GPC5: variants seen among roughly 807,000 people sequenced by gnomAD.
GPC5 encodes glypican-5.
A neutral mutation model predicts 53.9 loss-of-function variants in GPC5; 47 were observed. That is an observed-to-expected ratio of 0.87 (90% CI 0.69 to 1.11). The LOEUF is 1.11. Ranked by LOEUF, GPC5 falls within the 50% of genes most tolerant of loss-of-function variation. The pLI is 0.00. For missense variants in GPC5, 748 were observed against 713.1 expected (o/e 1.05, Z -0.56); for synonymous variants, 286 against 263.3 (o/e 1.09, Z -0.84).
At chr13:91,732,374 GTT>G (rs1162888019) in intron 4 of GPC5, among the ~76,000 whole-genome samples, 2 of 142,420 alleles carry the variant, frequency 1.4e-5, no homozygotes, top group African/African-American at 5.1e-5. Context: ...ACTTTTTGAT[GTT>G]TTTTTTTTTT....
At position 92,668,102 on chromosome 13, in the gene GPC5, AT is replaced by A. The variant is rs568679170; in HGVS notation, c.1562-198175del. ...ATATACATATGTGTGAATGTATGTG[AT>A]TTTTAGACCATAAAATACTTTGAAA... On this transcript the variant is annotated intron_variant, in intron 7 of 7. Coordinates refer to ENST00000377067, the MANE Select transcript of GPC5 (RefSeq NM_004466.6). Among the ~76,000 whole-genome samples, 22 of 152,278 alleles carry A rather than the reference AT, an allele frequency of 1.4e-4. No homozygotes were observed. The South Asian group carries it at 4.6e-3, about 32-fold the overall frequency.
chr13:91,888,531 A>T (rs1415228134), intron 5 of GPC5, among the ~76,000 whole-genome samples: 1 of 152,196 alleles, frequency 6.6e-6, no homozygotes, highest in African/African-American at 2.4e-5. Context: ...TTATTGGAAT[A>T]GCTCTGCTAA....
chr13:91,716,323 C>T (rs1276197354), intron 3 of GPC5, among the ~76,000 whole-genome samples: 1 of 152,148 alleles, frequency 6.6e-6, no homozygotes, highest in Admixed American at 6.5e-5. Flanking sequence ...ATCATAAAAA[C>T]AGCCAATACC....
chr13:92,317,332 G>A (rs1293926625), intron 7 of GPC5, among the ~76,000 whole-genome samples: 1 of 152,054 alleles, frequency 6.6e-6, no homozygotes, highest in African/African-American at 2.4e-5. Context: ...GTGGGAAAAG[G>A]GTCCAAGATA....
At chr13:91,858,050 A>G (rs1292493868) in intron 5 of GPC5, among the ~76,000 whole-genome samples, 1 of 151,644 alleles carries the variant, frequency 6.6e-6, no homozygotes, top group African/African-American at 2.4e-5. Context: ...CTGTTTTCAT[A>G]GGTTGGTTGT....
chr13:91,917,006 C>A (rs2039666178), intron 6 of GPC5, among the ~76,000 whole-genome samples: 1 of 152,194 alleles, frequency 6.6e-6, no homozygotes, highest in Non-Finnish European at 1.5e-5. Context: ...TTTCAAAACA[C>A]AATCATGCCT....
At chr13:91,862,516 A>G (rs1380894287) in intron 5 of GPC5, among the ~76,000 whole-genome samples, 3 of 152,222 alleles carry the variant, frequency 2.0e-5, no homozygotes, top group Non-Finnish European at 4.4e-5. Flanking sequence ...CACAACGAAG[A>G]ATTATATGGC....
At chr13:92,124,896 G>A (rs939551542) in intron 6 of GPC5, among the ~76,000 whole-genome samples, 7 of 152,102 alleles carry the variant, frequency 4.6e-5, no homozygotes, top group African/African-American at 9.7e-5. Context: ...TCCACCTCCC[G>A]GTATCTTGTG....
chr13:91,886,383 G>A (rs952803198), intron 5 of GPC5, among the ~76,000 whole-genome samples: 9 of 152,158 alleles, frequency 5.9e-5, no homozygotes, highest in Admixed American at 6.5e-5. Context: ...TTCAAGATGA[G>A]ATTTGGGTAG....
chr13:92,492,528 GAAAT>G (rs975560960), intron 7 of GPC5, among the ~76,000 whole-genome samples: 29 of 151,408 alleles, frequency 1.9e-4, no homozygotes, highest in African/African-American at 4.8e-4. Context: ...ACAGAATCAA[GAAAT>G]AAATAAATAA....
intron 7 of GPC5, among the ~76,000 whole-genome samples, chr13:92,551,406 GA>G (rs11289392): frequency 0.43 from 64,410 of 150,400 alleles, 14,377 homozygotes; most frequent in African/African-American, 0.55. Flanking sequence ...ATTTTCAAAG[GA>G]AAAAAAAAAT....
At chr13:91,440,047 A>G (rs576518213) in intron 1 of GPC5, among the ~76,000 whole-genome samples, 23 of 152,130 alleles carry the variant, frequency 1.5e-4, no homozygotes, top group East Asian at 9.7e-4. Flanking sequence ...TAATTTGACT[A>G]TAGTGTTCTT....
chr13:91,563,731 C>T (rs2031394711), intron 2 of GPC5, among the ~76,000 whole-genome samples: 1 of 152,190 alleles, frequency 6.6e-6, no homozygotes, highest in Admixed American at 6.5e-5. Context: ...GTTGATAATA[C>T]CAGCGAAGTT....
In GPC5 at chr13:91,846,577, A is replaced by G. The variant is rs182875697; in HGVS notation, c.1281-61360A>G. Among the ~76,000 whole-genome samples the G allele has an allele frequency of 4.1e-4, 62 of 152,176 alleles. 1 individual carries two copies. The highest frequency in any genetic ancestry group is 1.4e-3 in the African/African-American group (60 of 41,518). On this transcript the variant is annotated intron_variant, in intron 5 of 7. Coordinates refer to ENST00000377067, the MANE Select transcript of GPC5 (RefSeq NM_004466.6). ...TGCAAGTTCACCGAGAGAAGTAAGT[A>G]CTAGTATGACTAGGCTTGTCTATCA...
intron 7 of GPC5, among the ~76,000 whole-genome samples, chr13:92,170,571 C>A (rs903979141): frequency 4.0e-5 from 6 of 151,304 alleles, no homozygotes; most frequent in Admixed American, 6.6e-5. Flanking sequence ...GATTCTAGGC[C>A]ACTCAGCCAC....
chr13:91,882,677 T>TTTTTG (rs1411900230), intron 5 of GPC5, among the ~76,000 whole-genome samples: 2 of 143,526 alleles, frequency 1.4e-5, no homozygotes, highest in African/African-American at 2.6e-5. Context: ...TGGGTTTTTT[T>TTTTTG]TTTTTTTTTT....
rs572262646 is a variant in GPC5 at position 91,940,824 on chromosome 13, C to T, written c.1401+32767C>T. The stretch of plus-strand genomic sequence containing the variant: ...AGAAGCGTCTGTTCGTGTCCTTAGC[C>T]CATTTTTTAATGGGGTTATTTGTTT... On this transcript the variant is annotated intron_variant, in intron 6 of 7. Coordinates refer to ENST00000377067, the MANE Select transcript of GPC5 (RefSeq NM_004466.6). 2.6e-3 allele frequency among the ~76,000 whole-genome samples: 398 copies of T among 152,000 alleles called. 3 individuals carry two copies. The highest frequency in any genetic ancestry group is 9.3e-3 in the African/African-American group (386 of 41,470).
chr13:91,860,804 T>G (rs1237793033), intron 5 of GPC5, among the ~76,000 whole-genome samples: 1 of 152,178 alleles, frequency 6.6e-6, no homozygotes, highest in Non-Finnish European at 1.5e-5. Context: ...GCCCGGCCTG[T>G]ATACCATATT....
chr13:92,092,990 T>C (rs113849220), intron 6 of GPC5, among the ~76,000 whole-genome samples: 263 of 152,296 alleles, frequency 1.7e-3, no homozygotes, highest in African/African-American at 5.5e-3. Flanking sequence ...CTGGATAATT[T>C]GCATTTTCAT....
Sources: gnomAD v4.1 joint callset for allele counts (sites outside exome capture counted in the v4.1 genomes callset) on GRCh38, gnomAD v4.1.1 for gene constraint, MANE v1.5 for transcripts, NCBI Gene and HGNC (gene_info 2026-07-23, HGNC 2026-07-21) for gene names.